The following HDAC8 variants were observed in gnomAD, a reference collection of about 807,000 sequenced individuals.
The protein encoded by HDAC8 is histone deacetylase-like 1.
Under a neutral mutation model 32.2 loss-of-function variants are expected in HDAC8, and 1 was observed. The ratio of observed to expected loss-of-function variants is 0.03; its 90% CI spans 0.01 to 0.15. The LOEUF is 0.15. Ranked by LOEUF, HDAC8 falls within the 10% of genes least tolerant of loss-of-function variation. HDAC8 has a pLI of 1.00. For missense variants in HDAC8, 117 were observed against 300.0 expected (o/e 0.39, Z 4.51); for synonymous variants, 108 against 113.9 (o/e 0.95, Z 0.33).
chrX:72,567,411 C>T (rs2147587560), intron 4 of HDAC8, among the ~76,000 whole-genome samples: 1 of 112,412 alleles, frequency 8.9e-6, no homozygotes, highest in South Asian at 3.7e-4. Context: ...TCTGCCAAGA[C>T]TTCCATGATT....
intron 9 of HDAC8, 107 bp downstream of exon 9, chrX:72,461,897 T>G (rs1477481565): frequency 1.9e-6 from 1 of 528,249 alleles, no homozygotes; most frequent in Non-Finnish European, 3.3e-6. Context: ...GTTATTGAAG[T>G]GTCTCTCAAC....
At chrX:72,554,028 T>G (rs888254099) in intron 4 of HDAC8, among the ~76,000 whole-genome samples, 3 of 112,512 alleles carry the variant, frequency 2.7e-5, no homozygotes, top group Admixed American at 9.4e-5. Flanking sequence ...AAAAATCAAT[T>G]AGAACAGTTA....
Position 72,400,810 on chromosome X carries a change from A to T in HDAC8, c.1006-48972T>A, listed in dbSNP as rs782579984. On this transcript the variant is annotated intron_variant, in intron 9 of 10. Transcript: ENST00000373573. ...CATTACCCACCTCTCACCCCCCTGA[A>T]TGTTGCCCTCGGCAGCTACTAATCT... 2.7e-5 allele frequency among the ~76,000 whole-genome samples: 3 copies of T among 111,989 alleles called. No homozygotes were observed. The South Asian group carries it at 1.1e-3, about 42-fold the overall frequency.
intron 8 of HDAC8, 162 bp from the exon 9 acceptor site, chrX:72,462,260 A>G: frequency 2.3e-6 from 1 of 441,873 alleles, no homozygotes; most frequent in Non-Finnish European, 3.9e-6. Context: ...ACCACCTAGT[A>G]GGCAGACTTT....
intron 10 of HDAC8, among the ~76,000 whole-genome samples, chrX:72,335,281 C>T (rs1290754238): frequency 1.8e-5 from 2 of 111,952 alleles, no homozygotes; most frequent in Non-Finnish European, 3.8e-5. Context: ...GTTATGTATC[C>T]ACCATTAGAG....
chrX:72,373,905 A>G (rs1202490285), intron 9 of HDAC8, among the ~76,000 whole-genome samples: 1 of 112,140 alleles, frequency 8.9e-6, no homozygotes, highest in Non-Finnish European at 1.9e-5. Flanking sequence ...GAGTGAAGTG[A>G]TATTTCATAG....
intron 9 of HDAC8, among the ~76,000 whole-genome samples, chrX:72,417,871 A>G (rs2046387899): frequency 8.9e-6 from 1 of 111,902 alleles, no homozygotes; most frequent in African/African-American, 3.2e-5. Flanking sequence ...AAAAACAGAC[A>G]TATAGACCAA....
chrX:72,439,316 C>A (rs951158992), intron 9 of HDAC8, among the ~76,000 whole-genome samples: 1 of 111,181 alleles, frequency 9.0e-6, no homozygotes, highest in African/African-American at 3.3e-5. Context: ...GAAGGAAGCA[C>A]TAAATATGGA....
intron 10 of HDAC8, among the ~76,000 whole-genome samples, chrX:72,335,003 C>T (rs903454795): frequency 3.6e-5 from 4 of 111,971 alleles, no homozygotes; most frequent in Non-Finnish European, 7.5e-5. Flanking sequence ...TCTCTTTAGT[C>T]TTTCTTTTTT....
chrX:72,389,016 T>C (rs532432710), intron 9 of HDAC8, among the ~76,000 whole-genome samples: 1 of 112,422 alleles, frequency 8.9e-6, no homozygotes, highest in Non-Finnish European at 1.9e-5. Flanking sequence ...CAATTAGTTT[T>C]AGCTACATTA....
intron 10 of HDAC8, among the ~76,000 whole-genome samples, chrX:72,336,821 C>T (rs944493916): frequency 4.5e-5 from 5 of 111,058 alleles, no homozygotes; most frequent in Admixed American, 1.9e-4. Context: ...GTGATCACAG[C>T]TCACTTCAGT....
intron 9 of HDAC8, among the ~76,000 whole-genome samples, chrX:72,433,771 G>A (rs1186895019): frequency 1.8e-5 from 2 of 111,792 alleles, no homozygotes; most frequent in African/African-American, 3.3e-5. Flanking sequence ...AGAAACATGT[G>A]TCCTGGAGGT....
intron 9 of HDAC8, among the ~76,000 whole-genome samples, chrX:72,401,491 G>A (rs782063815): frequency 8.9e-6 from 1 of 112,075 alleles, no homozygotes; most frequent in Non-Finnish European, 1.9e-5. Context: ...GCCTCCCAAA[G>A]TGCCAGGATT....
chrX:72,439,409 T>A (rs782522663), intron 9 of HDAC8, among the ~76,000 whole-genome samples: 2 of 111,117 alleles, frequency 1.8e-5, no homozygotes, highest in Admixed American at 1.9e-4. Flanking sequence ...CATCAATTAA[T>A]GGTCACAATA....
At chrX:72,571,049 C>G (rs1428565919) in intron 2 of HDAC8, among the ~76,000 whole-genome samples, 1 of 111,734 alleles carries the variant, frequency 8.9e-6, no homozygotes, top group Non-Finnish European at 1.9e-5. Context: ...CTCAGCCTCC[C>G]GAGTAGCTGG....
At chrX:72,549,002 T>G (rs1390089732) in intron 4 of HDAC8, among the ~76,000 whole-genome samples, 1 of 112,253 alleles carries the variant, frequency 8.9e-6, no homozygotes, top group African/African-American at 3.2e-5. Context: ...CATCTGTTTA[T>G]GTACTGTGGT....
chrX:72,508,639 G>A (rs2049469243), intron 4 of HDAC8, among the ~76,000 whole-genome samples: 1 of 111,755 alleles, frequency 8.9e-6, no homozygotes, highest in Admixed American at 9.5e-5. Flanking sequence ...TCTCTTTATG[G>A]ATTAATGGGT....
At chrX:72,527,525 C>T (rs911705942) in intron 4 of HDAC8, among the ~76,000 whole-genome samples, 7 of 111,509 alleles carry the variant, frequency 6.3e-5, no homozygotes, top group African/African-American at 2.3e-4. Context: ...TATTTTATCT[C>T]CAGTGCCTAG....
At chrX:72,365,855 A>G (rs782738955) in intron 9 of HDAC8, among the ~76,000 whole-genome samples, 1 of 111,875 alleles carries the variant, frequency 8.9e-6, no homozygotes, top group Admixed American at 9.4e-5. Flanking sequence ...TATACCCATC[A>G]GAGAGGTTAC....
Sources: gnomAD v4.1 joint callset for allele counts (sites outside exome capture counted in the v4.1 genomes callset) on GRCh38, gnomAD v4.1.1 for gene constraint, MANE v1.5 for transcripts, NCBI Gene and HGNC (gene_info 2026-07-23, HGNC 2026-07-21) for gene names.